Variants in MIPEP observed in about 807,000 individuals in gnomAD.
MIPEP encodes the protein mitochondrial intermediate peptidase.
A neutral mutation model predicts 90.3 loss-of-function variants in MIPEP; 79 were observed. That is an observed-to-expected ratio of 0.87 (90% CI 0.73 to 1.05). The LOEUF is 1.05. MIPEP is among the 50% of genes least tolerant of loss of function. The pLI is 0.00. For synonymous variants in MIPEP, 334 were observed against 315.8 expected, an observed-to-expected ratio of 1.06 and a Z score of -0.61; for missense variants, 940 against 905.6, an observed-to-expected ratio of 1.04 and a Z score of -0.49.
At chr13:23,865,192 T>A (rs1870479158) in intron 7 of MIPEP, among the ~76,000 whole-genome samples, 1 of 152,246 alleles carries the variant, frequency 6.6e-6, no homozygotes, top group African/African-American at 2.4e-5. Flanking sequence ...GTAGCACTTT[T>A]TATCACTGAC....
chr13:23,790,350 G>T (rs1195901353), intron 16 of MIPEP, among the ~76,000 whole-genome samples: 1 of 152,166 alleles, frequency 6.6e-6, no homozygotes, highest in Non-Finnish European at 1.5e-5. Context: ...TGACAGCAAT[G>T]CCCCCAAAGC....
chr13:23,833,238 T>TA (rs892851239), intron 14 of MIPEP, among the ~76,000 whole-genome samples: 4 of 152,138 alleles, frequency 2.6e-5, no homozygotes, highest in Admixed American at 2.6e-4. Flanking sequence ...ACTTAAGATT[T>TA]AAAAAAAATA....
At position 23,802,182 on chromosome 13, in the gene MIPEP, G is replaced by A. The variant is rs187991875; in HGVS notation, c.1848+3768C>T. 3.3e-3 allele frequency among the ~76,000 whole-genome samples: 501 copies of A among 152,304 alleles called. 2 individuals carry two copies. The highest frequency in any genetic ancestry group is 5.4e-3 in the Non-Finnish European group (369 of 68,014). On this transcript the variant is annotated intron_variant, in intron 16 of 18. Coordinates refer to ENST00000382172, the MANE Select transcript of MIPEP (RefSeq NM_005932.4). Reference sequence around the variant, plus strand: ...TAAAATATTTTAGGAGTATTGTAATGTGGTTTTAATGTGCATTCCCTGATT... The same window carrying A: ...TAAAATATTTTAGGAGTATTGTAATATGGTTTTAATGTGCATTCCCTGATT...
intron 18 of MIPEP, among the ~76,000 whole-genome samples, chr13:23,740,199 G>A (rs915020290): frequency 3.3e-5 from 5 of 152,144 alleles, no homozygotes; most frequent in African/African-American, 4.8e-5. Context: ...GACACCCTGC[G>A]GTGGGCCAAC....
chr13:23,798,643 T>A (rs1952992080), intron 16 of MIPEP, among the ~76,000 whole-genome samples: 1 of 152,216 alleles, frequency 6.6e-6, no homozygotes, highest in African/African-American at 2.4e-5. Flanking sequence ...TTCTCATGGT[T>A]TAACACTATC....
At chr13:23,878,712 T>C (rs1871164180) in intron 4 of MIPEP, among the ~76,000 whole-genome samples, 2 of 152,214 alleles carry the variant, frequency 1.3e-5, no homozygotes, top group South Asian at 4.1e-4. Flanking sequence ...AGTAAGGCCT[T>C]TTTGATGCAG....
chr13:23,822,404 G>A (rs1953316687), intron 14 of MIPEP, among the ~76,000 whole-genome samples: 1 of 152,212 alleles, frequency 6.6e-6, no homozygotes, highest in Non-Finnish European at 1.5e-5. Flanking sequence ...CCCTGGAGTG[G>A]TTGCCTCACA....
At chr13:23,745,285 AT>A (rs1428600305) in intron 18 of MIPEP, among the ~76,000 whole-genome samples, 1 of 152,222 alleles carries the variant, frequency 6.6e-6, no homozygotes, top group Non-Finnish European at 1.5e-5. Flanking sequence ...TTCATTATTA[AT>A]AATGTTACAT....
chr13:23,780,174 C>A (rs1266026493), intron 16 of MIPEP, among the ~76,000 whole-genome samples: 1 of 152,190 alleles, frequency 6.6e-6, no homozygotes, highest in Non-Finnish European at 1.5e-5. Context: ...GGTCCCTGAC[C>A]CCCGAGTAGC....
At chr13:23,747,451 C>T in intron 18 of MIPEP, 2 of 450,820 alleles carry the variant, frequency 4.4e-6, no homozygotes, top group South Asian at 3.2e-5. Context: ...TATCTAGCTG[C>T]TTAACAGTCA....
At chr13:23,854,366 G>A (rs1427366778) in intron 10 of MIPEP, among the ~76,000 whole-genome samples, 1 of 151,336 alleles carries the variant, frequency 6.6e-6, no homozygotes, top group South Asian at 2.1e-4. Context: ...CATAATAAAG[G>A]TTAATTTTTA....
At chr13:23,759,003 C>T (rs981383488) in intron 17 of MIPEP, among the ~76,000 whole-genome samples, 9 of 152,084 alleles carry the variant, frequency 5.9e-5, no homozygotes, top group African/African-American at 2.2e-4. Flanking sequence ...CTCTAAAAAC[C>T]AAGATAAAGC....
chr13:23,747,854 C>T (rs1746761910), intron 18 of MIPEP, among the ~76,000 whole-genome samples: 2 of 152,192 alleles, frequency 1.3e-5, no homozygotes, highest in Admixed American at 6.5e-5. Flanking sequence ...GATTCTCCTG[C>T]CTCAGACTCC....
intron 16 of MIPEP, among the ~76,000 whole-genome samples, chr13:23,788,484 T>C (rs555208324): frequency 6.6e-6 from 1 of 152,338 alleles, no homozygotes; most frequent in South Asian, 2.1e-4. Context: ...GCAGGAGATG[T>C]GGACAACTGT....
chr13:23,778,809 T>C (rs1952745241), intron 16 of MIPEP, among the ~76,000 whole-genome samples: 1 of 152,198 alleles, frequency 6.6e-6, no homozygotes, highest in African/African-American at 2.4e-5. Context: ...TCAGTCATAG[T>C]CCTGTGATTT....
intron 7 of MIPEP, among the ~76,000 whole-genome samples, chr13:23,868,556 G>A (rs2137514358): frequency 6.6e-6 from 1 of 152,068 alleles, no homozygotes; most frequent in South Asian, 2.1e-4. Context: ...AGAAACCCAG[G>A]GGGCCCACCA....
chr13:23,836,840 A>C (rs147551006), intron 13 of MIPEP, among the ~76,000 whole-genome samples: 160 of 152,360 alleles, frequency 1.1e-3, no homozygotes, highest in Non-Finnish European at 1.9e-3. Context: ...TTAAAGTAAC[A>C]AATCCTGTAA....
chr13:23,783,852 T>C (rs1291527310), intron 16 of MIPEP, among the ~76,000 whole-genome samples: 7 of 152,208 alleles, frequency 4.6e-5, no homozygotes, highest in Admixed American at 1.3e-4. Context: ...CCATTCACAA[T>C]TGCCTCAAAA....
intron 16 of MIPEP, among the ~76,000 whole-genome samples, chr13:23,771,979 CCTG>C (rs1478635889): frequency 3.3e-5 from 5 of 152,124 alleles, no homozygotes; most frequent in Non-Finnish European, 7.4e-5. Context: ...GGATTATGCT[CCTG>C]CTAAGATGAA....
Sources: gnomAD v4.1 joint callset for allele counts (sites outside exome capture counted in the v4.1 genomes callset) on GRCh38, gnomAD v4.1.1 for gene constraint, MANE v1.5 for transcripts, NCBI Gene and HGNC (gene_info 2026-07-23, HGNC 2026-07-21) for gene names.